The following IARS2 variants were observed in gnomAD, a reference collection of about 807,000 sequenced individuals.
IARS2 encodes isoleucine--tRNA ligase, mitochondrial.
IARS2 carries 56 observed loss-of-function variants against 126.3 expected under a neutral mutation model. The observed-to-expected ratio is 0.44, with a 90% confidence interval of 0.36 to 0.55. The LOEUF (loss-of-function observed/expected upper bound fraction) is 0.55. IARS2 is among the 20% of genes least tolerant of loss of function. IARS2 has a pLI of 0.00. For synonymous variants in IARS2, 407 were observed against 441.1 expected (o/e 0.92, Z 0.97); for missense variants, 1,127 against 1,245.9 (o/e 0.90, Z 1.44).
Position 220,125,173 on chromosome 1 carries a change from T to C in IARS2, c.1641-64T>C, listed in dbSNP as rs1033719188. On this transcript the variant is annotated intron_variant, in intron 12 of 22. Coordinates refer to ENST00000366922, the MANE Select transcript of IARS2 (RefSeq NM_018060.4). ...AAAATAAATCACTATTTCTTAATTT[T>C]AAAATGTTTGTTATTCATCACAATA... The C allele has an allele frequency of 5.4e-6, 5 of 927,350 alleles. No homozygotes were observed. The African/African-American group carries it at 8.3e-5, about 15-fold the overall frequency. The allele number at this position is 927,350 out of a possible 1,614,324, so 57.4% of individuals were successfully genotyped here.
chr1:220,099,251 C>CTA (rs1403073304), intron 2 of IARS2, among the ~76,000 whole-genome samples: 1 of 148,194 alleles, frequency 6.7e-6, no homozygotes, highest in Non-Finnish European at 1.5e-5. Flanking sequence ...ATAATGCAAG[C>CTA]TATAAATTTG....
intron 21 of IARS2, chr1:220,144,440 G>T: frequency 2.0e-6 from 1 of 508,446 alleles, no homozygotes; most frequent in Non-Finnish European, 3.5e-6. Flanking sequence ...TATTTTGTAT[G>T]GTAAGCTCAA....
chr1:220,108,857 T>C (rs992290090), intron 10 of IARS2, among the ~76,000 whole-genome samples: 9 of 60,708 alleles, frequency 1.5e-4, no homozygotes, highest in Admixed American at 1.1e-3. Context: ...GTGAATCCTC[T>C]TTTTTTTTTT....
chr1:220,104,756 A>G (rs1571846357), intron 8 of IARS2, among the ~76,000 whole-genome samples: 1 of 151,602 alleles, frequency 6.6e-6, no homozygotes, highest in Non-Finnish European at 1.5e-5. Context: ...CAGATCTTGA[A>G]CTCCTGAGCT....
chr1:220,140,269 T>C lies in IARS2; in HGVS notation c.2394T>C (p.Tyr798=). 6.2e-7 allele frequency: 1 copy of C among 1,600,846 alleles called. No individual in the cohort carries two copies. The highest frequency in any genetic ancestry group is 8.6e-7 in the Non-Finnish European group (1 of 1,168,140). ...ATACCAGAGAGCTCTCTAACTTTTATTTCAGTATAATCAAAGATAGGTATG... is the reference window on the plus strand; with the variant it reads ...ATACCAGAGAGCTCTCTAACTTTTACTTCAGTATAATCAAAGATAGGTATG... ...TFYTRELSNF[Y]FSIIKDRLYC... Residue 798 remains tyrosine, a synonymous_variant, in exon 19 of 23, where the codon TAT becomes TAC. Coordinates refer to ENST00000366922, the MANE Select transcript of IARS2 (RefSeq NM_018060.4).
intron 10 of IARS2, among the ~76,000 whole-genome samples, chr1:220,110,340 G>A (rs1017188986): frequency 1.3e-5 from 2 of 151,846 alleles, no homozygotes; most frequent in Non-Finnish European, 2.9e-5. Context: ...GATTACAGGC[G>A]TGAGCAACCA....
At chr1:220,119,197 T>C (rs1656987468) in intron 12 of IARS2, among the ~76,000 whole-genome samples, 1 of 152,128 alleles carries the variant, frequency 6.6e-6, no homozygotes, top group Admixed American at 6.6e-5. Context: ...GATGTCATAG[T>C]TGCTCATGCT....
Position 220,114,388 on chromosome 1 carries a change from A to G in IARS2, c.1554A>G (p.Pro518=). ...NGMVEMMDRR[P]YWCISRQRVW... ...TGGTTGAAATGATGGACAGGCGGCC[A>G]TATTGGTGTATATCAAGGCAAAGAG... is the stretch of plus-strand genomic sequence containing the variant. The change falls in exon 12 of 23, where the codon CCA becomes CCG. Residue 518 remains proline, a synonymous_variant. Transcript: ENST00000366922. The G allele has an allele frequency of 6.2e-7, 1 of 1,613,836 alleles. No individual in the cohort carries two copies. Among genetic ancestry groups the G allele is most frequent in the East Asian group, 2.2e-5 (1 of 44,862 alleles).
chr1:220,132,187 A>AT lies in IARS2; in HGVS notation c.1838-2214dup, dbSNP rs563895666. 7.0e-4 allele frequency among the ~76,000 whole-genome samples: 106 copies of AT among 152,268 alleles called. No homozygotes were observed. The South Asian group carries it at 0.013, about 18-fold the overall frequency. ...TTTGCCTGGTTTTGGTATCAGGGTA[A>AT]TGCTGGCTTTGTACAGTGATTTAAG... On this transcript the variant is annotated intron_variant, in intron 14 of 22. Coordinates refer to ENST00000366922, the MANE Select transcript of IARS2 (RefSeq NM_018060.4).
intron 14 of IARS2, among the ~76,000 whole-genome samples, chr1:220,133,081 G>A (rs1261056868): frequency 1.3e-5 from 2 of 149,558 alleles, no homozygotes; most frequent in Non-Finnish European, 3.0e-5. Flanking sequence ...CACAATCTCT[G>A]CCCACTGTAA....
At chr1:220,146,261 A>G (rs1258359402) in intron 22 of IARS2, among the ~76,000 whole-genome samples, 1 of 152,166 alleles carries the variant, frequency 6.6e-6, no homozygotes, top group African/African-American at 2.4e-5. Flanking sequence ...TCATGCCTGT[A>G]ATCCCAGCAT....
At chr1:220,114,286 C>T (rs1558123767) in intron 11 of IARS2, 28 bp from the exon 12 acceptor site, 10 of 1,598,130 alleles carry the variant, frequency 6.3e-6, no homozygotes, top group African/African-American at 1.3e-5. Flanking sequence ...CTTTCTCTCA[C>T]AAGACTTGAT....
rs757302779 is a variant in IARS2, at chr1:220,125,330, C to G, written c.1734C>G (p.Val578=). ...LPPEQLLPKE[V]LSEVGGPDAL... ...CTGAACAACTTCTTCCAAAAGAAGT[C>G]TTATCTGAGGTAAATTTCTGTTTGT... The change falls in exon 13 of 23, where the codon GTC becomes GTG. Residue 578 remains valine, a synonymous_variant. Transcript: ENST00000366922. 3.7e-6 allele frequency: 6 copies of G among 1,602,590 alleles called. No individual in the cohort carries two copies. The highest frequency in any genetic ancestry group is 1.7e-4 in the Middle Eastern group (1 of 6,048).
chr1:220,116,212 A>G (rs1360351536), intron 12 of IARS2, among the ~76,000 whole-genome samples: 2 of 152,168 alleles, frequency 1.3e-5, no homozygotes, highest in Admixed American at 1.3e-4. Context: ...CTGTCTCTTC[A>G]GAACGAAACA....
intron 10 of IARS2, among the ~76,000 whole-genome samples, 175 bp downstream of exon 10, chr1:220,107,326 T>C (rs954119821): frequency 2.0e-5 from 3 of 152,252 alleles, no homozygotes; most frequent in African/African-American, 7.2e-5. Context: ...GCTTTGAAGC[T>C]GCTTTATTTA....
intron 9 of IARS2, among the ~76,000 whole-genome samples, chr1:220,106,578 G>A (rs920845533): frequency 1.3e-5 from 2 of 150,986 alleles, no homozygotes; most frequent in Non-Finnish European, 3.0e-5. Context: ...TTTGGCTTTG[G>A]TGATTTAAAT....
In IARS2 at chr1:220,100,455, A is replaced by G. The variant is rs1211063699; in HGVS notation, c.391-35A>G. ...TTTGAAATACATGGCCAAATATTTTATGTATGAATGATAATTATCATTTTA... is the reference window on the plus strand; with the variant it reads ...TTTGAAATACATGGCCAAATATTTTGTGTATGAATGATAATTATCATTTTA... On this transcript the variant is annotated intron_variant, in intron 2 of 22. Transcript: ENST00000366922. 3.3e-6 allele frequency: 5 copies of G among 1,506,504 alleles called. No homozygotes were observed. In the South Asian group the frequency reaches 6.3e-5, roughly 19 times the overall value. The allele number at this position is 1,506,504 out of a possible 1,614,324, so 93.3% of individuals were successfully genotyped here.
At chr1:220,108,561 A>G (rs1269176394) in intron 10 of IARS2, among the ~76,000 whole-genome samples, 3 of 151,146 alleles carry the variant, frequency 2.0e-5, no homozygotes, top group Admixed American at 2.0e-4. Context: ...AATTTTTTGT[A>G]TTTTTAGTAG....
At chr1:220,141,079 T>C (rs754000704) in intron 19 of IARS2, among the ~76,000 whole-genome samples, 6 of 152,162 alleles carry the variant, frequency 3.9e-5, no homozygotes, top group African/African-American at 9.7e-5. Context: ...GGGCAACTTA[T>C]TCTGTAATCT....
Sources: gnomAD v4.1 joint callset for allele counts (sites outside exome capture counted in the v4.1 genomes callset) on GRCh38, gnomAD v4.1.1 for gene constraint, MANE v1.5 for transcripts, NCBI Gene and HGNC (gene_info 2026-07-23, HGNC 2026-07-21) for gene names.